Variants in GRIA4 observed in about 807,000 individuals in gnomAD.
GRIA4 encodes glutamate receptor 4.
In GRIA4, 34 loss-of-function variants were observed where a neutral mutation model predicts 104.0. The ratio of observed to expected loss-of-function variants is 0.33; its 90% CI spans 0.25 to 0.44. GRIA4 has a LOEUF of 0.44. GRIA4 is among the 20% of genes least tolerant of loss of function. GRIA4 has a pLI of 1.00. For synonymous variants in GRIA4, 386 were observed against 381.9 expected, an observed-to-expected ratio of 1.01 and a Z score of -0.13; for missense variants, 750 against 1,096.5, an observed-to-expected ratio of 0.68 and a Z score of 4.46.
At chr11:105,850,910 T>A (rs1392567386) in intron 4 of GRIA4, among the ~76,000 whole-genome samples, 1 of 152,090 alleles carries the variant, frequency 6.6e-6, no homozygotes, top group African/African-American at 2.4e-5. Flanking sequence ...CCAAACTGAA[T>A]GGAATTAAGT....
rs564729731 is a variant in GRIA4, at chr11:105,827,025, C to T, written c.488-34999C>T. 4.6e-5 allele frequency among the ~76,000 whole-genome samples: 7 copies of T among 152,050 alleles called. No individual in the cohort carries two copies. In the South Asian group the frequency reaches 1.5e-3, roughly 32 times the overall value. On this transcript the variant is annotated intron_variant, in intron 4 of 16. Transcript: ENST00000282499. ...GGATTTTTTTCCAAATTCTATTAAT[C>T]AGCTTGTGAGACCTTCATCCTTCCT... is the stretch of plus-strand genomic sequence containing the variant.
chr11:105,872,940 A>G (rs1945670763), intron 5 of GRIA4, among the ~76,000 whole-genome samples: 1 of 151,520 alleles, frequency 6.6e-6, no homozygotes, highest in Non-Finnish European at 1.5e-5. Flanking sequence ...ATCTTTTTTT[A>G]TTTTTTTAAG....
At chr11:105,671,697 A>AAAAAAAAAAAAT in intron 3 of GRIA4, among the ~76,000 whole-genome samples, 2 of 150,982 alleles carry the variant, frequency 1.3e-5, no homozygotes, top group South Asian at 2.1e-4. Flanking sequence ...AAAAAAAAAA[A>AAAAAAAAAAAAT]AAAAGAATAA....
chr11:105,658,116 G>C (rs1288890319), intron 3 of GRIA4, among the ~76,000 whole-genome samples: 1 of 151,630 alleles, frequency 6.6e-6, no homozygotes, highest in Admixed American at 6.6e-5. Context: ...ATTAACATTA[G>C]TGTCATATTG....
rs182399692 is a variant in GRIA4, at chr11:105,715,720, A to G, written c.248-37261A>G. Among the ~76,000 whole-genome samples the G allele has an allele frequency of 3.2e-3, 480 of 152,324 alleles. 4 individuals carry two copies. The highest frequency in any genetic ancestry group is 0.011 in the African/African-American group (457 of 41,582). ...ATTAAGGATGATTAAAGGAGAAGTC[A>G]TAACTCTACAGTGGGTTTTCAATTC... On this transcript the variant is annotated intron_variant, in intron 3 of 16. Transcript: ENST00000282499.
At chr11:105,951,936 C>T (rs983079261) in intron 14 of GRIA4, among the ~76,000 whole-genome samples, 7 of 152,086 alleles carry the variant, frequency 4.6e-5, no homozygotes, top group African/African-American at 1.4e-4. Flanking sequence ...TCACTCCAGC[C>T]TGGGCAACAG....
intron 4 of GRIA4, among the ~76,000 whole-genome samples, chr11:105,800,799 C>CT: frequency 6.6e-6 from 1 of 151,980 alleles, no homozygotes; most frequent in South Asian, 2.1e-4. Flanking sequence ...TTAAAAATAA[C>CT]TTTAAGATTC....
chr11:105,665,352 T>C (rs1952133579), intron 3 of GRIA4, among the ~76,000 whole-genome samples: 1 of 151,994 alleles, frequency 6.6e-6, no homozygotes. Context: ...GTAAAGAAAC[T>C]GAGCCCCTGA....
intron 14 of GRIA4, among the ~76,000 whole-genome samples, chr11:105,940,906 A>G (rs1040723095): frequency 3.3e-5 from 5 of 152,202 alleles, no homozygotes; most frequent in African/African-American, 1.2e-4. Flanking sequence ...ATTATATTCT[A>G]TTTTAATTTC....
chr11:105,828,662 TAA>T (rs570146830), intron 4 of GRIA4, among the ~76,000 whole-genome samples: 5 of 137,254 alleles, frequency 3.6e-5, no homozygotes, highest in Non-Finnish European at 3.2e-5. Flanking sequence ...AATGTTTTCA[TAA>T]AAAAAAAAAA....
At chr11:105,627,588 T>C (rs527426259) in intron 3 of GRIA4, among the ~76,000 whole-genome samples, 19 of 152,206 alleles carry the variant, frequency 1.2e-4, no homozygotes, top group South Asian at 2.1e-4. Flanking sequence ...ATTTTGTTAC[T>C]TCAGTTGCTG....
At chr11:105,904,928 G>T (rs1378610509) in intron 8 of GRIA4, among the ~76,000 whole-genome samples, 1 of 151,952 alleles carries the variant, frequency 6.6e-6, no homozygotes, top group Admixed American at 6.6e-5. Flanking sequence ...ATTGAGGGAG[G>T]ATTCTTCGAC....
At chr11:105,933,376 A>G (rs182724121) in intron 13 of GRIA4, among the ~76,000 whole-genome samples, 3 of 152,298 alleles carry the variant, frequency 2.0e-5, no homozygotes, top group Non-Finnish European at 4.4e-5. Context: ...TGTGATATAA[A>G]ACATGATTTT....
intron 3 of GRIA4, chr11:105,612,787 C>T (rs1439296146): frequency 5.4e-6 from 1 of 183,848 alleles, no homozygotes; most frequent in East Asian, 1.4e-4. Context: ...TGTACTCAAG[C>T]TAGTTTTTTA....
At chr11:105,709,813 C>G (rs530703802) in intron 3 of GRIA4, among the ~76,000 whole-genome samples, 1 of 151,968 alleles carries the variant, frequency 6.6e-6, no homozygotes, top group Non-Finnish European at 1.5e-5. Context: ...GGAGGCAGTA[C>G]GTAGATTACA....
chr11:105,664,864 T>C (rs949266971), intron 3 of GRIA4, among the ~76,000 whole-genome samples: 5 of 152,012 alleles, frequency 3.3e-5, no homozygotes, highest in East Asian at 1.9e-4. Flanking sequence ...ATAGAATCAA[T>C]TGGGTGATTT....
At chr11:105,860,734 G>A (rs887779166) in intron 4 of GRIA4, among the ~76,000 whole-genome samples, 8 of 151,992 alleles carry the variant, frequency 5.3e-5, no homozygotes, top group Non-Finnish European at 7.4e-5. Context: ...GCTGAGGCAG[G>A]TGGATCACAA....
At chr11:105,801,288 G>T (rs899557995) in intron 4 of GRIA4, among the ~76,000 whole-genome samples, 1 of 151,664 alleles carries the variant, frequency 6.6e-6, no homozygotes, top group Non-Finnish European at 1.5e-5. Flanking sequence ...AGAAAAATTA[G>T]ATTGTGATAT....
At chr11:105,783,744 T>TTGTGTGTGTGTGTGTGTG (rs56222983) in intron 4 of GRIA4, among the ~76,000 whole-genome samples, 2 of 145,376 alleles carry the variant, frequency 1.4e-5, no homozygotes, top group African/African-American at 2.6e-5. Context: ...TGGATGTTAT[T>TTGTGTGTGTGTGTGTGTG]TGTGTGTGTG....
Sources: allele counts gnomAD v4.1 joint callset (sites outside exome capture counted in the v4.1 genomes callset), GRCh38; gene constraint gnomAD v4.1.1; transcripts MANE v1.5; gene names NCBI Gene and HGNC (gene_info 2026-07-23, HGNC 2026-07-21).